The following FHIT variants were observed in gnomAD, a reference collection of about 807,000 sequenced individuals.
FHIT encodes the protein fragile histidine triad diadenosine triphosphatase.
In FHIT, 19 loss-of-function variants were observed where a neutral mutation model predicts 17.9. The ratio of observed to expected loss-of-function variants is 1.06; its 90% CI spans 0.74 to 1.56. The LOEUF (loss-of-function observed/expected upper bound fraction) is 1.56. FHIT is among the 40% of genes most tolerant of loss of function. The pLI, the probability that FHIT is intolerant of heterozygous loss-of-function variation, is 0.00. For missense variants in FHIT, 248 were observed against 189.2 expected (o/e 1.31, Z -1.82); for synonymous variants, 81 against 69.7 (o/e 1.16, Z -0.81).
At chr3:60,509,937 C>T (rs979089515) in intron 5 of FHIT, among the ~76,000 whole-genome samples, 1 of 152,182 alleles carries the variant, frequency 6.6e-6, no homozygotes, top group African/African-American at 2.4e-5. Context: ...CCTTTGCCAA[C>T]ATTATCATTC....
chr3:59,759,468 G>T (rs1305109504), intron 8 of FHIT, among the ~76,000 whole-genome samples: 1 of 152,132 alleles, frequency 6.6e-6, no homozygotes, highest in Non-Finnish European at 1.5e-5. Context: ...ACTATAGATG[G>T]ACCTTGTCAT....
At chr3:60,895,628 T>C (rs182931696) in intron 3 of FHIT, among the ~76,000 whole-genome samples, 198 of 151,812 alleles carry the variant, frequency 1.3e-3, no homozygotes, top group Non-Finnish European at 1.3e-3. Context: ...AGCTGCCCTT[T>C]CTCCCTTCTT....
intron 5 of FHIT, among the ~76,000 whole-genome samples, chr3:60,342,937 A>C (rs910807676): frequency 6.4e-4 from 97 of 152,304 alleles, no homozygotes; most frequent in African/African-American, 2.0e-3. Context: ...TGGCACAGAA[A>C]TTATATTAGT....
At chr3:60,899,861 G>A (rs1343671416) in intron 3 of FHIT, among the ~76,000 whole-genome samples, 1 of 152,094 alleles carries the variant, frequency 6.6e-6, no homozygotes, top group Non-Finnish European at 1.5e-5. Flanking sequence ...GGATGGTAGG[G>A]GCTGAGGAAA....
At chr3:60,876,913 C>T (rs1553756651) in intron 3 of FHIT, among the ~76,000 whole-genome samples, 1 of 152,168 alleles carries the variant, frequency 6.6e-6, no homozygotes, top group African/African-American at 2.4e-5. Context: ...AAGGAAACAT[C>T]ACAACTCCAC....
At chr3:61,166,567 G>A (rs2037844586) in intron 2 of FHIT, among the ~76,000 whole-genome samples, 1 of 152,074 alleles carries the variant, frequency 6.6e-6, no homozygotes. Flanking sequence ...GCAATAATTG[G>A]TCCCTTCTGC....
intron 5 of FHIT, among the ~76,000 whole-genome samples, chr3:60,192,746 T>A (rs756159302): frequency 2.6e-5 from 4 of 152,168 alleles, no homozygotes; most frequent in Admixed American, 6.5e-5. Flanking sequence ...CTTTCTACCC[T>A]CTAAAATGAT....
chr3:60,352,022 G>A (rs1054992098), intron 5 of FHIT, among the ~76,000 whole-genome samples: 9 of 152,070 alleles, frequency 5.9e-5, no homozygotes, highest in Non-Finnish European at 1.0e-4. Flanking sequence ...TAGCTCTTCC[G>A]GTGACTGTCT....
intron 8 of FHIT, among the ~76,000 whole-genome samples, chr3:59,778,279 G>A (rs1442381920): frequency 1.3e-5 from 2 of 152,172 alleles, no homozygotes; most frequent in Non-Finnish European, 2.9e-5. Flanking sequence ...TCAGTGGGAG[G>A]GGAATGGATA....
chr3:60,166,563 A>G (rs1184285127), intron 5 of FHIT, among the ~76,000 whole-genome samples: 12 of 152,190 alleles, frequency 7.9e-5, no homozygotes, highest in Non-Finnish European at 1.2e-4. Flanking sequence ...TCTCCAGTGG[A>G]AAGATGAAGG....
intron 5 of FHIT, among the ~76,000 whole-genome samples, chr3:60,257,953 T>C (rs1352780020): frequency 6.6e-6 from 1 of 152,008 alleles, no homozygotes; most frequent in Non-Finnish European, 1.5e-5. Context: ...CTGGGCTTAA[T>C]ACCTGGGTGA....
intron 3 of FHIT, among the ~76,000 whole-genome samples, chr3:61,016,556 T>C (rs1416285473): frequency 1.3e-5 from 2 of 152,224 alleles, no homozygotes; most frequent in Non-Finnish European, 2.9e-5. Context: ...CGGTCATTAA[T>C]AGATAAGAGC....
intron 5 of FHIT, among the ~76,000 whole-genome samples, chr3:60,245,339 C>T (rs777578161): frequency 1.3e-5 from 2 of 151,940 alleles, no homozygotes; most frequent in Non-Finnish European, 2.9e-5. Flanking sequence ...TATCAGAGGG[C>T]CCATAGCATA....
intron 5 of FHIT, among the ~76,000 whole-genome samples, chr3:60,159,686 C>A (rs972186699): frequency 1.5e-4 from 23 of 152,214 alleles, no homozygotes; most frequent in African/African-American, 5.1e-4. Context: ...ATAATTTTAT[C>A]CATCCAAAAA....
At chr3:59,940,209 C>G (rs932219976) in intron 7 of FHIT, among the ~76,000 whole-genome samples, 2 of 152,278 alleles carry the variant, frequency 1.3e-5, no homozygotes, top group East Asian at 3.9e-4. Flanking sequence ...ACTTAGTAAG[C>G]ATAGATGTAA....
chr3:60,993,484 CTGT>C (rs1169145687), intron 3 of FHIT, among the ~76,000 whole-genome samples: 1 of 149,278 alleles, frequency 6.7e-6, no homozygotes, highest in East Asian at 1.9e-4. Context: ...TGTTTACTGA[CTGT>C]CCCTGATGGT....
intron 5 of FHIT, among the ~76,000 whole-genome samples, chr3:60,281,256 G>A (rs190095189): frequency 1.8e-4 from 27 of 152,150 alleles, no homozygotes; most frequent in East Asian, 1.4e-3. Context: ...TACTGTTATC[G>A]GTTCTTCCCA....
intron 1 of FHIT, among the ~76,000 whole-genome samples, chr3:61,214,336 T>A (rs2039596622): frequency 1.3e-5 from 2 of 151,944 alleles, no homozygotes; most frequent in Non-Finnish European, 2.9e-5. Flanking sequence ...TCACCACCAA[T>A]CCCATAGAAA....
At chr3:59,876,198 T>C (rs184413036) in intron 8 of FHIT, among the ~76,000 whole-genome samples, 11 of 152,136 alleles carry the variant, frequency 7.2e-5, no homozygotes, top group African/African-American at 2.4e-4. Context: ...ACCACAAATA[T>C]ATATATGTAT....
Sources: allele counts gnomAD v4.1 joint callset (sites outside exome capture counted in the v4.1 genomes callset), GRCh38; gene constraint gnomAD v4.1.1; transcripts MANE v1.5; gene names NCBI Gene and HGNC (gene_info 2026-07-23, HGNC 2026-07-21).